Variants in UFSP2 observed in about 807,000 individuals in gnomAD.
UFSP2 encodes the protein UFM1 specific peptidase 2.
A neutral mutation model predicts 60.2 loss-of-function variants in UFSP2; 43 were observed. The ratio of observed to expected loss-of-function variants is 0.71; its 90% CI spans 0.56 to 0.92. The LOEUF (loss-of-function observed/expected upper bound fraction) is 0.92. Ranked by LOEUF, UFSP2 falls within the 40% of genes least tolerant of loss-of-function variation. The pLI is 0.00. For synonymous variants in UFSP2, 183 were observed against 195.1 expected (o/e 0.94, Z 0.52); for missense variants, 520 against 575.0 (o/e 0.90, Z 0.98).
At chr4:185,425,632 CA>C (rs2095558394) in intron 1 of UFSP2, among the ~76,000 whole-genome samples, 1 of 152,228 alleles carries the variant, frequency 6.6e-6, no homozygotes, top group African/African-American at 2.4e-5. Flanking sequence ...AGAGAAGTAG[CA>C]GGGGGTGCGT....
At chr4:185,413,947 T>C (rs1288071544) in intron 6 of UFSP2, 75 bp from the exon 7 acceptor site, 2 of 1,338,818 alleles carry the variant, frequency 1.5e-6, no homozygotes, top group Non-Finnish European at 2.0e-6. Context: ...ATAAAGATGT[T>C]ATTAAACATG....
chr4:185,402,276 A>G (rs765092533), intron 11 of UFSP2: 1 of 454,538 alleles, frequency 2.2e-6, no homozygotes, highest in South Asian at 1.6e-5. Flanking sequence ...GAACAAGAAT[A>G]TTGCTACTAT....
chr4:185,425,847 G>A lies in UFSP2; in HGVS notation c.3+19C>T. 6.2e-7 allele frequency: 1 copy of A among 1,603,108 alleles called. No individual in the cohort carries two copies. The highest frequency in any genetic ancestry group is 8.5e-7 in the Non-Finnish European group (1 of 1,175,080). ...TCCGGGGAAAAACACAGGGGTCGGT[G>A]ACGAGCAGAGATACTCACCATGTCC... On this transcript the variant is annotated intron_variant, in intron 1 of 11. Transcript: ENST00000264689.
At position 185,425,920 on chromosome 4, in the gene UFSP2, G is replaced by C. The variant is rs41278591; in HGVS notation, c.-52C>G. 7 of 1,568,740 alleles carry C rather than the reference G, an allele frequency of 4.5e-6. 1 individual carries two copies. In the South Asian group the frequency reaches 4.7e-5, roughly 10 times the overall value. On this transcript the variant is annotated 5_prime_UTR_variant, in exon 1 of 12. Coordinates refer to ENST00000264689, the MANE Select transcript of UFSP2 (RefSeq NM_018359.5). ...GCTGACGCCTGCCCAAAAGTTCCGG[G>C]GGCCGGCCCTGAAGTGGTGTCACCG...
At chr4:185,418,047 A>AACACACATACACACACAC (rs1554024889) in intron 4 of UFSP2, among the ~76,000 whole-genome samples, 1 of 142,954 alleles carries the variant, frequency 7.0e-6, no homozygotes, top group Non-Finnish European at 1.5e-5. Context: ...TCCATCTCAA[A>AACACACATACACACACAC]ACACACACAC....
Position 185,399,876 on chromosome 4 carries a change from T to C in UFSP2, c.*516A>G, listed in dbSNP as rs571550496. The C allele has an allele frequency of 6.4e-7, 1 of 1,551,262 alleles. No individual in the cohort carries two copies. The highest frequency in any genetic ancestry group is 2.0e-5 in the Admixed American group (1 of 50,536). On this transcript the variant is annotated 3_prime_UTR_variant, in exon 12 of 12. Transcript: ENST00000264689. ...ACTGACACTCGTATTTCTAGTAGTA[T>C]TGTTTCATTCTCATTAACATTTTAG...
intron 2 of UFSP2, among the ~76,000 whole-genome samples, chr4:185,421,557 C>G (rs559405987): frequency 5.3e-5 from 8 of 152,202 alleles, no homozygotes; most frequent in Non-Finnish European, 1.2e-4. Context: ...ATGTGATACA[C>G]TGCCCCCTCC....
chr4:185,406,463 G>T (rs1055274277), intron 9 of UFSP2, among the ~76,000 whole-genome samples: 1 of 152,148 alleles, frequency 6.6e-6, no homozygotes. Flanking sequence ...TTGGGGGAAG[G>T]TGCCCGGTGG....
At chr4:185,406,481 C>A (rs2095520600) in intron 9 of UFSP2, among the ~76,000 whole-genome samples, 1 of 151,998 alleles carries the variant, frequency 6.6e-6, no homozygotes, top group Admixed American at 6.6e-5. Context: ...TGGTGCTAAA[C>A]CTTAGCTCTT....
chr4:185,407,938 G>A lies in UFSP2; in HGVS notation c.1119C>T (p.Val373=). Residue 373 remains valine (V), a splice_region_variant and synonymous_variant, in exon 9 of 12, where the codon GTC becomes GTT. Transcript: ENST00000264689. ...LIGITSKILF[V]SQGSEIASQG... is the part of the protein sequence containing the mutation. ...CTAATTTCTTAAAGTGTGCTTACCT[G>A]ACAAACAGGATTTTTGACGTTATAC... 6.2e-7 allele frequency: 1 copy of A among 1,613,460 alleles called. No homozygotes were observed. Among genetic ancestry groups the A allele is most frequent in the Non-Finnish European group, 8.5e-7 (1 of 1,179,820 alleles).
intron 11 of UFSP2, among the ~76,000 whole-genome samples, chr4:185,401,935 G>A (rs536245577): frequency 3.0e-4 from 46 of 152,124 alleles, no homozygotes; most frequent in Non-Finnish European, 5.7e-4. Context: ...AGAAAAAATC[G>A]AAATGCCTGG....
intron 9 of UFSP2, among the ~76,000 whole-genome samples, chr4:185,406,974 T>C (rs1262987427): frequency 6.6e-6 from 1 of 151,684 alleles, no homozygotes; most frequent in African/African-American, 2.4e-5. Flanking sequence ...GATGTTACTG[T>C]AATTAACAAT....
In UFSP2 at chr4:185,399,885, T is replaced by C; in HGVS notation, c.*507A>G. The C allele has an allele frequency of 6.5e-7, 1 of 1,543,792 alleles. No individual in the cohort carries two copies. The highest frequency in any genetic ancestry group is 8.7e-7 in the Non-Finnish European group (1 of 1,145,482). On this transcript the variant is annotated 3_prime_UTR_variant, in exon 12 of 12. Coordinates refer to ENST00000264689, the MANE Select transcript of UFSP2 (RefSeq NM_018359.5). ...CGTATTTCTAGTAGTATTGTTTCAT[T>C]CTCATTAACATTTTAGTACTGGTTA...
intron 1 of UFSP2, among the ~76,000 whole-genome samples, chr4:185,424,637 C>T (rs1428067205): frequency 6.6e-6 from 1 of 152,092 alleles, no homozygotes; most frequent in African/African-American, 2.4e-5. Context: ...ACTTAAATAG[C>T]TATTAATAAG....
At chr4:185,408,865 C>G (rs145841495) in intron 7 of UFSP2, among the ~76,000 whole-genome samples, 1 of 152,172 alleles carries the variant, frequency 6.6e-6, no homozygotes, top group Non-Finnish European at 1.5e-5. Flanking sequence ...AGTCTACAAA[C>G]GGCCCACTCA....
chr4:185,420,142 G>A (rs1467513593), intron 2 of UFSP2, among the ~76,000 whole-genome samples: 1 of 151,458 alleles, frequency 6.6e-6, no homozygotes, highest in East Asian at 1.9e-4. Context: ...TATCCCACTA[G>A]GCCTATATAA....
rs748656614 is a variant in UFSP2 at position 185,408,284 on chromosome 4, C to G, written c.983G>C (p.Arg328Thr). 6 of 1,614,056 alleles carry G rather than the reference C, an allele frequency of 3.7e-6. No homozygotes were observed. The highest frequency in any genetic ancestry group is 4.2e-6 in the Non-Finnish European group (5 of 1,179,960). Residue 328 changes from arginine to threonine, a missense_variant, in exon 8 of 12, where the codon AGA (arginine) becomes ACA (threonine). Arg to Thr is a moderately conservative substitution (Grantham distance 71, BLOSUM62 -1). Transcript: ENST00000264689. ...GYTERSIPTH[R>T]EIQQALVDAG... ...TATGTTCTGTACCTGCTGAATTTCT[C>G]TGTGTGTTGGAATGGACCTCTCTGT...
At position 185,415,243 on chromosome 4, in the gene UFSP2, A is replaced by C; in HGVS notation, c.596T>G (p.Leu199Arg). The change falls in exon 6 of 12, where the codon CTG becomes CGG. Residue 199 changes from leucine to arginine, a missense_variant. Coordinates refer to ENST00000264689, the MANE Select transcript of UFSP2 (RefSeq NM_018359.5). ...TTTTTTCCCTGGTAATAAAAAGTGC[A>C]GTGGTTCAGGGACCACAATAGATGT... ...KGTSIVVPEP[L>R]HFLLPGKKNL... The C allele has an allele frequency of 1.2e-6, 2 of 1,604,430 alleles. No individual in the cohort carries two copies. The highest frequency in any genetic ancestry group is 1.7e-6 in the Non-Finnish European group (2 of 1,177,892).
intron 7 of UFSP2, among the ~76,000 whole-genome samples, chr4:185,411,504 C>T (rs1162103097): frequency 1.3e-5 from 2 of 151,948 alleles, no homozygotes; most frequent in Non-Finnish European, 1.5e-5. Context: ...ATGCAAAAAT[C>T]GTAAAATATT....
Sources: allele counts gnomAD v4.1 joint callset (sites outside exome capture counted in the v4.1 genomes callset), GRCh38; gene constraint gnomAD v4.1.1; transcripts MANE v1.5; gene names NCBI Gene and HGNC (gene_info 2026-07-23, HGNC 2026-07-21).